Variants in CDT1 observed in about 807,000 individuals in gnomAD.
CDT1 encodes chromatin licensing and DNA replication factor 1.
CDT1 carries 66 observed loss-of-function variants against 49.3 expected under a neutral mutation model. That is an observed-to-expected ratio of 1.34 (90% confidence interval 1.10 to 1.64). The LOEUF (loss-of-function observed/expected upper bound fraction) is 1.64, where lower values mean the gene tolerates loss of function less well. CDT1 is among the 40% of genes most tolerant of loss of function. CDT1 has a pLI of 0.00. For synonymous variants in CDT1, 424 were observed against 347.4 expected (o/e 1.22, Z -2.45); for missense variants, 958 against 807.7 (o/e 1.19, Z -2.26).
chr16:88,807,254 C>T (rs1353117980), intron 8 of CDT1, 27 bp from the exon 9 acceptor site: 1 of 1,611,516 alleles, frequency 6.2e-7, no homozygotes, highest in East Asian at 2.2e-5. Flanking sequence ...CTGCTGCCCA[C>T]TAACCAGGTC....
At chr16:88,806,332 G>A in intron 6 of CDT1, 154 bp from the exon 7 acceptor site, 2 of 1,060,120 alleles carry the variant, frequency 1.9e-6, no homozygotes, top group East Asian at 2.6e-5. Flanking sequence ...GACCATGGGA[G>A]GCCTTGTGCT....
At position 88,806,107 on chromosome 16, in the gene CDT1, A is replaced by G; in HGVS notation, c.919A>G (p.Lys307Glu). ...IFSQKLVEHV[K>E]EHHKAFLASL... ...CAGCCAGAAGCTGGTGGAGCATGTC[A>G]AGGAGCACCACAAGGTGAGCGGCCC... The change falls in exon 6 of 10, where the codon AAG becomes GAG. Residue 307 changes from lysine to glutamate, a missense_variant. Physicochemically the swap from Lys to Glu is moderately conservative, Grantham distance 56. Transcript: ENST00000301019. 2 of 1,598,762 alleles carry G rather than the reference A, an allele frequency of 1.3e-6. No individual in the cohort carries two copies. The highest frequency in any genetic ancestry group is 1.7e-6 in the Non-Finnish European group (2 of 1,177,186).
chr16:88,804,094 G>A (rs940113609), intron 1 of CDT1, 35 bp downstream of exon 1: 138 of 1,322,276 alleles, frequency 1.0e-4, no homozygotes, highest in Middle Eastern at 5.6e-4. Context: ...CCGGGGAGTT[G>A]GGGGCGGGGA....
Position 88,804,598 on chromosome 16 carries a change from G to T in CDT1, c.282G>T (p.Pro94=). The change falls in exon 2 of 10, where the codon CCG becomes CCT. Residue 94 remains proline, a synonymous_variant. Transcript: ENST00000301019. ...CAGACATCCCAGCCTGCCCTTCTCC[G>T]GGCCAGAAGATAAAGAAATCCACCC... The part of the protein sequence containing the change: ...EAPDIPACPS[P]GQKIKKSTPA... 1 of 1,612,974 alleles carries T rather than the reference G, an allele frequency of 6.2e-7. No individual in the cohort carries two copies. Among genetic ancestry groups the T allele is most frequent in the Non-Finnish European group, 8.5e-7 (1 of 1,179,918 alleles).
rs74035838 is a variant in CDT1 at position 88,807,149 on chromosome 16, G to A, written c.1221G>A (p.Pro407=). 1,261 of 1,612,468 alleles carry A rather than the reference G, an allele frequency of 7.8e-4. 7 individuals are homozygous for A. In the African/African-American group the frequency reaches 0.012, roughly 15 times the overall value. The change falls in exon 8 of 10, where the codon CCG becomes CCA. Residue 407 remains proline, a synonymous_variant. Transcript: ENST00000301019. ...PALPATPPAT[P]PAASPSALKG... ...TGCCGGCTACCCCACCAGCCACCCC[G>A]CCTGCAGCCTCTCCCAGTGCTCTGA...
rs748491712 is a variant in CDT1, at chr16:88,806,509, C to T, written c.957C>T (p.Pro319=). The change falls in exon 7 of 10, where the codon CCC becomes CCT. Residue 319 remains proline, a synonymous_variant. Transcript: ENST00000301019. ...AGGCCTTCCTGGCCTCCCTGAGCCC[C>T]GCCATGGTGGTGCCGGAGGACCAGC... ...HHKAFLASLS[P]AMVVPEDQLT... is the part of the protein sequence containing the mutation. 29 of 1,610,758 alleles carry T rather than the reference C, an allele frequency of 1.8e-5. No homozygotes were observed. The highest frequency in any genetic ancestry group is 2.2e-5 in the East Asian group (1 of 44,812).
chr16:88,806,564 G>A lies in CDT1; in HGVS notation c.1012G>A (p.Asp338Asn). 6.2e-7 allele frequency: 1 copy of A among 1,609,658 alleles called. No individual in the cohort carries two copies. The highest frequency in any genetic ancestry group is 8.5e-7 in the Non-Finnish European group (1 of 1,178,652). Reference sequence around the variant, plus strand: ...CCGCTGGCACCCGCGCTTCAACGTGGATGAAGTACCCGACATCGAGCCGGC... The same window carrying A: ...CCGCTGGCACCCGCGCTTCAACGTGAATGAAGTACCCGACATCGAGCCGGC... The part of the protein sequence containing the change: ...LTRWHPRFNV[D>N]EVPDIEPAAL... The change falls in exon 7 of 10, where the codon GAT becomes AAT. Residue 338 changes from aspartate (D) to asparagine (N), a missense_variant. Physicochemically the swap from Asp to Asn is conservative, Grantham distance 23 (BLOSUM62 1). Transcript: ENST00000301019.
rs3218727 is a variant in CDT1 at position 88,805,465 on chromosome 16, C to T, written c.514C>T (p.Arg172Cys). The T allele has an allele frequency of 2.7e-4, 432 of 1,612,792 alleles. No individual in the cohort carries two copies. The African/African-American group carries it at 4.6e-3, about 17-fold the overall frequency. The change falls in exon 4 of 10, where the codon CGC (arginine) becomes TGC (cysteine). Residue 172 changes from arginine (R) to cysteine (C), a missense_variant. Transcript: ENST00000301019. ...TGGCGAGAAGGCGCCCGCCTACCAG[C>T]GCTTCCATGCCCTGGCCCAGCCCGG... ...PCGEKAPAYQ[R>C]FHALAQPGLP... is the part of the protein sequence containing the mutation.
chr16:88,805,364 C>G, intron 3 of CDT1, 76 bp from the exon 4 acceptor site: 1 of 1,560,976 alleles, frequency 6.4e-7, no homozygotes, highest in Non-Finnish European at 8.7e-7. Context: ...GAGGGTCTCC[C>G]TGGCCGAGGG....
chr16:88,803,913 C>T lies in CDT1; in HGVS notation c.82C>T (p.Arg28Cys). The change falls in exon 1 of 10, where the codon CGC (arginine) becomes TGC (cysteine). Residue 28 changes from arginine (R) to cysteine (C), a missense_variant. Physicochemically the swap from Arg to Cys is radical, Grantham distance 180. Transcript: ENST00000301019. ...PRIAPPKLAC[R>C]TPSPARPALR... The stretch of plus-strand genomic sequence containing the variant: ...CATCGCGCCGCCCAAGCTGGCCTGC[C>T]GCACCCCCAGCCCCGCCAGGCCCGC... 9 of 1,390,538 alleles carry T rather than the reference C, an allele frequency of 6.5e-6. No homozygotes were observed. The highest frequency in any genetic ancestry group is 7.5e-6 in the Non-Finnish European group (8 of 1,067,938). 86.1% of individuals were successfully genotyped at this position (1,390,538 alleles called of 1,614,324 possible).
At chr16:88,805,673 G>T (rs1332153366) in intron 4 of CDT1, 36 bp downstream of exon 4, 2 of 1,612,558 alleles carry the variant, frequency 1.2e-6, no homozygotes, top group African/African-American at 1.3e-5. Flanking sequence ...CTGTCCTGGA[G>T]TTGGGGGTGG....
At chr16:88,806,765 C>T (rs1255448300) in intron 7 of CDT1, 91 bp downstream of exon 7, 1 of 1,463,286 alleles carries the variant, frequency 6.8e-7, no homozygotes, top group Non-Finnish European at 9.3e-7. Context: ...TGGTGATGAG[C>T]TTGACGCCTC....
chr16:88,807,389 C>T lies in CDT1; in HGVS notation c.1384C>T (p.Arg462Trp), dbSNP rs755500544. 74 of 1,612,644 alleles carry T rather than the reference C, an allele frequency of 4.6e-5. No individual in the cohort carries two copies. Among genetic ancestry groups the T allele is most frequent in the Non-Finnish European group, 5.3e-5 (63 of 1,179,972 alleles). The change falls in exon 9 of 10, where the codon CGG becomes TGG. Residue 462 changes from arginine to tryptophan, a missense_variant. By Grantham distance (101) the Arg-to-Trp change is moderately radical. Transcript: ENST00000301019. ...GCTGCCTGAGCTGGCCCGCGTGCTGCGGAGCGTCTTTGTGTCCGAACGCAA... is the reference window on the plus strand; with the variant it reads ...GCTGCCTGAGCTGGCCCGCGTGCTGTGGAGCGTCTTTGTGTCCGAACGCAA... ...ERLPELARVL[R>W]SVFVSERKPA...
At chr16:88,804,724 C>A (rs1255483104) in intron 2 of CDT1, 38 bp from the exon 3 acceptor site, 5 of 1,612,686 alleles carry the variant, frequency 3.1e-6, no homozygotes, top group Non-Finnish European at 4.2e-6. Flanking sequence ...GGCCTGCCTG[C>A]CTGCCTGACG....
Position 88,806,204 on chromosome 16 carries a change from G to A in CDT1, c.933+83G>A, listed in dbSNP as rs1908850651. On this transcript the variant is annotated intron_variant, in intron 6 of 9. Transcript: ENST00000301019. ...CTAACCCTGTGCTTGGAGCATCCCT[G>A]CCACTCACAGCTTCTCCCGGGATGG... 12 of 1,246,078 alleles carry A rather than the reference G, an allele frequency of 9.6e-6. No homozygotes were observed. The South Asian group carries it at 1.0e-4, about 11-fold the overall frequency. The allele number at this position is 1,246,078 out of a possible 1,614,324, so 77.2% of individuals were successfully genotyped here.
rs752592573 is a variant in CDT1 at position 88,805,569 on chromosome 16, G to A, written c.618G>A (p.Met206Ile). Residue 206 changes from methionine (M) to isoleucine (I), a missense_variant, in exon 4 of 10, where the codon ATG (methionine) becomes ATA (isoleucine). Physicochemically the swap from Met to Ile is conservative, Grantham distance 10 (BLOSUM62 1). Transcript: ENST00000301019. Reference protein sequence around the residue: ...MFRSMDTIVGMLHNRSETPTF... With the variant: ...MFRSMDTIVGILHNRSETPTF... ...GCAGCATGGACACCATCGTGGGCAT[G>A]CTCCACAACCGCTCCGAGACGCCCA... 1.2e-6 allele frequency: 2 copies of A among 1,612,782 alleles called. No individual in the cohort carries two copies. Among genetic ancestry groups the A allele is most frequent in the Non-Finnish European group, 8.5e-7 (1 of 1,179,980 alleles).
At chr16:88,806,332 G>C in intron 6 of CDT1, 154 bp from the exon 7 acceptor site, 1 of 1,060,120 alleles carries the variant, frequency 9.4e-7, no homozygotes, top group Admixed American at 2.0e-5. Flanking sequence ...GACCATGGGA[G>C]GCCTTGTGCT....
intron 1 of CDT1, 89 bp from the exon 2 acceptor site, chr16:88,804,456 C>T: frequency 6.5e-7 from 1 of 1,527,954 alleles, no homozygotes; most frequent in Non-Finnish European, 8.9e-7. Context: ...CCAGTTAACT[C>T]AGAGCGGCTT....
Position 88,803,822 on chromosome 16 carries a change from C to T in CDT1, c.-10C>T, listed in dbSNP as rs1304180381. ...CTTCTTTCCTTGCTTTCGCCGCGCA[C>T]TCCGCCGCCATGGAGCAGCGCCGCG... On this transcript the variant is annotated 5_prime_UTR_variant, in exon 1 of 10. Coordinates refer to ENST00000301019, the MANE Select transcript of CDT1 (RefSeq NM_030928.4). The T allele has an allele frequency of 5.3e-6, 8 of 1,513,852 alleles. No homozygotes were observed. The Admixed American group carries it at 5.5e-5, about 10-fold the overall frequency. 93.8% of individuals were successfully genotyped at this position (1,513,852 alleles called of 1,614,324 possible).
Sources: gnomAD v4.1 joint callset for allele counts on GRCh38, gnomAD v4.1.1 for gene constraint, MANE v1.5 for transcripts, NCBI Gene and HGNC (gene_info 2026-07-23, HGNC 2026-07-21) for gene names.